Variants in TENM1 observed in about 807,000 individuals in gnomAD.
TENM1 encodes teneurin transmembrane protein 1, also known as teneurin-1.
A neutral mutation model predicts 174.8 loss-of-function variants in TENM1; 35 were observed. That is an observed-to-expected ratio of 0.20 (90% confidence interval 0.15 to 0.27). The LOEUF is 0.27. TENM1 is among the 10% of genes least tolerant of loss of function. The pLI is 1.00. For synonymous variants in TENM1, 781 were observed against 798.7 expected (o/e 0.98, Z 0.37); for missense variants, 1,633 against 2,130.1 (o/e 0.77, Z 4.59).
intron 17 of TENM1, among the ~76,000 whole-genome samples, chrX:124,522,564 A>T (rs751066588): frequency 1.0e-3 from 67 of 67,194 alleles, no homozygotes; most frequent in African/African-American, 2.0e-3. Flanking sequence ...AAGCTTTTTT[A>T]AAAAAAAAAA....
At chrX:124,579,990 T>C (rs2049261978) in intron 11 of TENM1, among the ~76,000 whole-genome samples, 1 of 111,540 alleles carries the variant, frequency 9.0e-6, no homozygotes, top group African/African-American at 3.3e-5. Flanking sequence ...TGATAGGTAT[T>C]TGCTAAGCTG....
intron 11 of TENM1, among the ~76,000 whole-genome samples, chrX:124,586,056 A>T (rs1451305800): frequency 1.8e-5 from 2 of 110,065 alleles, no homozygotes; most frequent in Admixed American, 9.7e-5. Context: ...TAGCTTACCA[A>T]CCAAAAAGAG....
the TENM1 span, among the ~76,000 whole-genome samples, chrX:125,020,713 T>C: frequency 4.5e-5 from 5 of 110,531 alleles, no homozygotes; most frequent in Admixed American, 4.9e-4. Flanking sequence ...AATTTACAAA[T>C]CCCAATGAAT....
the TENM1 span, among the ~76,000 whole-genome samples, chrX:125,115,475 T>C: frequency 2.7e-5 from 3 of 111,420 alleles, no homozygotes; most frequent in Non-Finnish European, 5.7e-5. Flanking sequence ...GACATGATGG[T>C]ATATTTAGAA....
chrX:124,642,876 C>T (rs889572657), intron 10 of TENM1, among the ~76,000 whole-genome samples: 3 of 112,253 alleles, frequency 2.7e-5, no homozygotes, highest in East Asian at 2.8e-4. Flanking sequence ...GTAATGAGGA[C>T]GTATGATTTG....
chrX:124,425,463 T>G (rs2060701513), intron 23 of TENM1, among the ~76,000 whole-genome samples: 1 of 111,578 alleles, frequency 9.0e-6, no homozygotes, highest in South Asian at 3.8e-4. Flanking sequence ...GGGGTCCCCA[T>G]GATGGGACTG....
At chrX:124,749,905 C>T (rs1206279476) in intron 3 of TENM1, among the ~76,000 whole-genome samples, 1 of 111,346 alleles carries the variant, frequency 9.0e-6, no homozygotes, top group Non-Finnish European at 1.9e-5. Flanking sequence ...GGGTACCAGA[C>T]CAGGATTGTA....
the TENM1 span, among the ~76,000 whole-genome samples, chrX:125,088,931 C>T: frequency 6.6e-3 from 730 of 111,233 alleles, 10 homozygotes; most frequent in African/African-American, 0.022. Context: ...AATACCTATA[C>T]ACTATAAAAT....
intron 3 of TENM1, among the ~76,000 whole-genome samples, chrX:124,859,473 G>A (rs911814906): frequency 9.3e-6 from 1 of 107,287 alleles, no homozygotes; most frequent in African/African-American, 3.4e-5. Context: ...GAACCTGGGT[G>A]GCAGAGGTTG....
chrX:125,154,407 G>T, the TENM1 span, among the ~76,000 whole-genome samples: 1 of 112,009 alleles, frequency 8.9e-6, no homozygotes, highest in African/African-American at 3.3e-5. Context: ...TTCAAAGTTG[G>T]AAGTTACAGC....
At chrX:124,928,943 C>T (rs1415032041) in intron 1 of TENM1, among the ~76,000 whole-genome samples, 2 of 111,661 alleles carry the variant, frequency 1.8e-5, no homozygotes, top group East Asian at 2.8e-4. Flanking sequence ...TACTCTGGCC[C>T]GACCTAACTT....
chrX:124,957,190 G>C (rs1473974021), intron 1 of TENM1, among the ~76,000 whole-genome samples: 1 of 101,406 alleles, frequency 9.9e-6, no homozygotes, highest in Non-Finnish European at 1.9e-5. Flanking sequence ...CAAATGGACG[G>C]ATGGATAGAT....
intron 4 of TENM1, among the ~76,000 whole-genome samples, chrX:124,710,366 T>C (rs1022232954): frequency 1.1e-4 from 12 of 112,150 alleles, no homozygotes; most frequent in Admixed American, 2.9e-4. Flanking sequence ...TGTTTGGAGA[T>C]AAAATCTTCA....
At chrX:124,433,995 C>T (rs2060807261) in intron 23 of TENM1, among the ~76,000 whole-genome samples, 1 of 111,761 alleles carries the variant, frequency 8.9e-6, no homozygotes, top group Non-Finnish European at 1.9e-5. Flanking sequence ...TCTGGGGAGT[C>T]TGGGAATTCC....
chrX:124,382,842 T>C, intron 30 of TENM1, 30 bp from the exon 34 acceptor site: 1 of 1,148,300 alleles, frequency 8.7e-7, no homozygotes, highest in Admixed American at 2.8e-5. Flanking sequence ...AAAAAGAAAA[T>C]GAAAAATCCC....
intron 3 of TENM1, among the ~76,000 whole-genome samples, chrX:124,842,987 G>A (rs976197761): frequency 2.7e-5 from 3 of 110,897 alleles, no homozygotes; most frequent in Non-Finnish European, 5.7e-5. Context: ...CAAATGATGC[G>A]ATTTCCTACA....
intron 3 of TENM1, among the ~76,000 whole-genome samples, chrX:124,875,981 G>A (rs974119342): frequency 1.4e-4 from 15 of 104,451 alleles, no homozygotes; most frequent in Non-Finnish European, 2.5e-4. Context: ...ATATATATAC[G>A]TTTGTATGTA....
At chrX:124,958,277 A>T (rs1214896209) in intron 1 of TENM1, among the ~76,000 whole-genome samples, 2 of 112,111 alleles carry the variant, frequency 1.8e-5, no homozygotes, top group Admixed American at 1.9e-4. Context: ...AATAAAGATA[A>T]TATGAACATA....
chrX:124,934,457 C>T lies in TENM1; in HGVS notation c.217+29080G>A, dbSNP rs189643614. Among the ~76,000 whole-genome samples, 3 of 112,532 alleles carry T rather than the reference C, an allele frequency of 2.7e-5. No homozygotes were observed. The East Asian group carries it at 8.4e-4, about 31-fold the overall frequency. ...ACACTGCTGCTATTGTCATGGCATA[C>T]TCTGCCCTCTTTGCTAAAGATTTCA... On this transcript the variant is annotated intron_variant, in intron 1 of 31. Transcript: ENST00000422452.
Sources: gnomAD v4.1 joint callset for allele counts (sites outside exome capture counted in the v4.1 genomes callset) on GRCh38, gnomAD v4.1.1 for gene constraint, MANE v1.5 for transcripts, NCBI Gene and HGNC (gene_info 2026-07-23, HGNC 2026-07-21) for gene names.